The following TNFAIP8 variants were observed in gnomAD, a reference collection of about 807,000 sequenced individuals.
TNFAIP8 encodes the protein TNF alpha induced protein 8, also known as tumor necrosis factor alpha-induced protein 8.
TNFAIP8 carries 7 observed loss-of-function variants against 13.3 expected under a neutral mutation model. The observed-to-expected ratio is 0.52, with a 90% confidence interval of 0.30 to 0.99. The LOEUF (loss-of-function observed/expected upper bound fraction) is 0.99, where lower values mean the gene tolerates loss of function less well. TNFAIP8 is among the 50% of genes least tolerant of loss of function. The pLI is 0.07. For missense variants in TNFAIP8, 258 were observed against 236.9 expected, an observed-to-expected ratio of 1.09 and a Z score of -0.58; for synonymous variants, 94 against 87.6, an observed-to-expected ratio of 1.07 and a Z score of -0.41.
intron 1 of TNFAIP8, among the ~76,000 whole-genome samples, chr5:119,288,752 A>G (rs1748892860): frequency 6.6e-6 from 1 of 152,242 alleles, no homozygotes; most frequent in Admixed American, 6.5e-5. Flanking sequence ...ACTGGTGCCT[A>G]TAGGCAATGA....
intron 1 of TNFAIP8, among the ~76,000 whole-genome samples, chr5:119,315,386 A>G (rs984967908): frequency 6.6e-6 from 1 of 152,146 alleles, no homozygotes; most frequent in Non-Finnish European, 1.5e-5. Flanking sequence ...ACCTGGCCAT[A>G]AGTTACTGAT....
At chr5:119,387,792 G>C (rs1752737572) in intron 1 of TNFAIP8, among the ~76,000 whole-genome samples, 1 of 152,014 alleles carries the variant, frequency 6.6e-6, no homozygotes, top group Non-Finnish European at 1.5e-5. Context: ...GAGGGAGGGA[G>C]GTAAGATAAG....
At chr5:119,314,361 C>T (rs1182442067) in intron 1 of TNFAIP8, among the ~76,000 whole-genome samples, 1 of 152,150 alleles carries the variant, frequency 6.6e-6, no homozygotes, top group Non-Finnish European at 1.5e-5. Context: ...AGTGGTAAGA[C>T]CAGGTTTTCC....
chr5:119,344,651 G>A (rs1453516884), intron 1 of TNFAIP8, among the ~76,000 whole-genome samples: 8 of 152,100 alleles, frequency 5.3e-5, no homozygotes, highest in Admixed American at 5.2e-4. Flanking sequence ...AGGGAAACTA[G>A]CTTAAAATCT....
intron 1 of TNFAIP8, among the ~76,000 whole-genome samples, chr5:119,345,133 C>G (rs748565538): frequency 3.3e-5 from 5 of 151,992 alleles, no homozygotes; most frequent in South Asian, 2.1e-4. Context: ...TGTAGTTGTA[C>G]AAAATAATAC....
intron 1 of TNFAIP8, among the ~76,000 whole-genome samples, chr5:119,379,226 T>C (rs1212601491): frequency 1.3e-5 from 2 of 152,152 alleles, no homozygotes; most frequent in African/African-American, 4.8e-5. Context: ...AAGGGTTCCA[T>C]GGAGGCAGAT....
intron 1 of TNFAIP8, among the ~76,000 whole-genome samples, chr5:119,312,224 G>A (rs76720434): frequency 0.032 from 4,830 of 152,202 alleles, 263 homozygotes; most frequent in African/African-American, 0.11. Context: ...ACAGCAGTTT[G>A]AGCCAGAGTT....
intron 1 of TNFAIP8, among the ~76,000 whole-genome samples, chr5:119,358,384 C>G (rs1418000035): frequency 6.6e-6 from 1 of 152,174 alleles, no homozygotes; most frequent in Non-Finnish European, 1.5e-5. Flanking sequence ...TTAAAACATA[C>G]TTGACTCTGT....
At chr5:119,300,839 C>T (rs771670424) in intron 1 of TNFAIP8, among the ~76,000 whole-genome samples, 1 of 152,086 alleles carries the variant, frequency 6.6e-6, no homozygotes, top group Non-Finnish European at 1.5e-5. Context: ...ATGTGTTATG[C>T]TTTCTTTATG....
At position 119,395,545 on chromosome 5, in the gene TNFAIP8, A is replaced by G. The variant is rs1020547100; in HGVS notation, c.*2164A>G. 44 of 152,400 alleles carry G rather than the reference A, an allele frequency of 2.9e-4. 1 individual carries two copies. The highest frequency in any genetic ancestry group is 2.4e-3 in the Admixed American group (36 of 15,296). 9.4% of individuals were successfully genotyped at this position (152,400 alleles called of 1,614,324 possible). Reference sequence around the variant, plus strand: ...CCAGCAGGCTAGCAATCAAATGTGCATGGGATTGGGGGAGCAATGCTTCAT... The same window carrying G: ...CCAGCAGGCTAGCAATCAAATGTGCGTGGGATTGGGGGAGCAATGCTTCAT... On this transcript the variant is annotated 3_prime_UTR_variant, in exon 2 of 2. Transcript: ENST00000504771.
At chr5:119,369,496 A>G (rs1751997169) in intron 1 of TNFAIP8, among the ~76,000 whole-genome samples, 1 of 152,224 alleles carries the variant, frequency 6.6e-6, no homozygotes, top group Non-Finnish European at 1.5e-5. Context: ...GGCAAACAGA[A>G]AATGCCTGAT....
At chr5:119,343,618 A>G (rs1372453687) in intron 1 of TNFAIP8, among the ~76,000 whole-genome samples, 1 of 152,224 alleles carries the variant, frequency 6.6e-6, no homozygotes, top group East Asian at 1.9e-4. Context: ...TATGCTCTAG[A>G]AAGGAGAACA....
chr5:119,327,118 A>C (rs1396590987), intron 1 of TNFAIP8, among the ~76,000 whole-genome samples: 1 of 152,008 alleles, frequency 6.6e-6, no homozygotes, highest in Admixed American at 6.6e-5. Context: ...TGAGGCTCCA[A>C]CTCCTTTCCA....
At chr5:119,286,984 A>C (rs545771302) in intron 1 of TNFAIP8, among the ~76,000 whole-genome samples, 2 of 152,172 alleles carry the variant, frequency 1.3e-5, no homozygotes, top group African/African-American at 4.8e-5. Flanking sequence ...TAAACCCTGC[A>C]TTGTTCCAGA....
At position 119,393,047 on chromosome 5, in the gene TNFAIP8, A is replaced by G. The variant is rs752577316; in HGVS notation, c.263A>G (p.Asn88Ser). 9.3e-6 allele frequency: 15 copies of G among 1,613,650 alleles called. No individual in the cohort carries two copies. The South Asian group carries it at 9.9e-5, about 11-fold the overall frequency. Residue 88 changes from asparagine (N) to serine (S), a missense_variant, in exon 2 of 2, where the codon AAT becomes AGT. Transcript: ENST00000504771. ...ATCAAGCTGGCCATTCTTTATAGGA[A>G]TAATCAGTTTAATCAAGATGAGCTA... ...TVIKLAILYR[N>S]NQFNQDELAL...
At chr5:119,298,137 G>C (rs1749238401) in intron 1 of TNFAIP8, among the ~76,000 whole-genome samples, 1 of 152,158 alleles carries the variant, frequency 6.6e-6, no homozygotes, top group Non-Finnish European at 1.5e-5. Flanking sequence ...ATGTGAATTT[G>C]ATCCTGTCAT....
rs116132245 is a variant in TNFAIP8, at chr5:119,281,129, C to T, written c.1+12222C>T. ...CATGCTTGTCTTGTACATTTCTTGC[C>T]TATACCTGGAGTCAACCATTTTCCC... On this transcript the variant is annotated intron_variant, in intron 1 of 1. Coordinates refer to the TNFAIP8 transcript ENST00000274456. 2.2e-3 allele frequency among the ~76,000 whole-genome samples: 332 copies of T among 152,158 alleles called. 1 individual carries two copies. Among genetic ancestry groups the T allele is most frequent in the African/African-American group, 7.5e-3 (311 of 41,498 alleles).
intron 1 of TNFAIP8, among the ~76,000 whole-genome samples, chr5:119,357,869 G>A (rs547846507): frequency 6.6e-6 from 1 of 152,146 alleles, no homozygotes; most frequent in Non-Finnish European, 1.5e-5. Flanking sequence ...TAACTCTTGA[G>A]GGAGATTGAA....
chr5:119,339,044 T>G (rs1750649801), intron 1 of TNFAIP8, among the ~76,000 whole-genome samples: 1 of 143,400 alleles, frequency 7.0e-6, no homozygotes, highest in South Asian at 2.1e-4. Flanking sequence ...AGACTTTGTC[T>G]CTTAAAACAA....
Sources: gnomAD v4.1 joint callset for allele counts (sites outside exome capture counted in the v4.1 genomes callset) on GRCh38, gnomAD v4.1.1 for gene constraint, MANE v1.5 for transcripts, NCBI Gene and HGNC (gene_info 2026-07-23, HGNC 2026-07-21) for gene names.